ZCCHC24: variants seen among roughly 807,000 people sequenced by gnomAD.
ZCCHC24 encodes zinc finger CCHC-type containing 24, also known as zinc finger CCHC domain-containing protein 24.
In ZCCHC24, 10 loss-of-function variants were observed where a neutral mutation model predicts 26.2. The ratio of observed to expected loss-of-function variants is 0.38; its 90% CI spans 0.24 to 0.65. The LOEUF is 0.65. Ranked by LOEUF, ZCCHC24 falls within the 30% of genes least tolerant of loss-of-function variation. The pLI is 0.54. For synonymous variants in ZCCHC24, 144 were observed against 147.1 expected (o/e 0.98, Z 0.15); for missense variants, 243 against 329.1 (o/e 0.74, Z 2.03).
intron 3 of ZCCHC24, among the ~76,000 whole-genome samples, chr10:79,390,971 A>G (rs909818598): frequency 1.3e-5 from 2 of 152,166 alleles, no homozygotes; most frequent in African/African-American, 4.8e-5. Flanking sequence ...GCTGGGGGAT[A>G]GAGAGGCACC....
chr10:79,394,255 G>A (rs1355922765), intron 3 of ZCCHC24, 21 bp downstream of exon 3: 1 of 1,609,440 alleles, frequency 6.2e-7, no homozygotes, highest in Non-Finnish European at 8.5e-7. Flanking sequence ...TTCTGAGAAG[G>A]CCCCAGCCTG....
intron 2 of ZCCHC24, among the ~76,000 whole-genome samples, chr10:79,410,128 A>G (rs1171792467): frequency 6.6e-6 from 1 of 151,998 alleles, no homozygotes; most frequent in African/African-American, 2.4e-5. Context: ...TGCCAGGAAT[A>G]CCCTTCCCCC....
At chr10:79,409,709 G>A (rs1229163295) in intron 2 of ZCCHC24, among the ~76,000 whole-genome samples, 1 of 152,234 alleles carries the variant, frequency 6.6e-6, no homozygotes, top group Non-Finnish European at 1.5e-5. Context: ...GGTCCTCAGT[G>A]TGGCTATTGT....
intron 1 of ZCCHC24, among the ~76,000 whole-genome samples, chr10:79,433,115 C>G (rs1432584362): frequency 6.6e-6 from 1 of 152,172 alleles, no homozygotes. Context: ...ACCATTAGTT[C>G]TTAACATACT....
intron 2 of ZCCHC24, among the ~76,000 whole-genome samples, chr10:79,423,422 G>C (rs1856973963): frequency 6.6e-6 from 1 of 150,718 alleles, no homozygotes; most frequent in African/African-American, 2.4e-5. Context: ...GTAGTGGCGG[G>C]CGCCTGTAAT....
chr10:79,404,531 T>C (rs1277668569), intron 2 of ZCCHC24, among the ~76,000 whole-genome samples: 2 of 152,174 alleles, frequency 1.3e-5, no homozygotes, highest in Non-Finnish European at 1.5e-5. Flanking sequence ...CCTTAGTGGG[T>C]GGATGGAAGA....
chr10:79,420,359 C>T (rs1856920086), intron 2 of ZCCHC24, among the ~76,000 whole-genome samples: 1 of 152,174 alleles, frequency 6.6e-6, no homozygotes, highest in Non-Finnish European at 1.5e-5. Flanking sequence ...CAGCCCCTCC[C>T]TTAGGGAATG....
intron 2 of ZCCHC24, among the ~76,000 whole-genome samples, chr10:79,421,538 C>G (rs1358422643): frequency 6.7e-6 from 1 of 149,302 alleles, no homozygotes; most frequent in Non-Finnish European, 1.5e-5. Context: ...ATAACACTTT[C>G]TTTGCTAATT....
chr10:79,392,086 G>A (rs971865733), intron 3 of ZCCHC24, among the ~76,000 whole-genome samples: 1 of 151,660 alleles, frequency 6.6e-6, no homozygotes, highest in African/African-American at 2.4e-5. Context: ...CTTCCCTGCC[G>A]ATGCCCCACG....
chr10:79,424,266 T>C (rs1856996870), intron 2 of ZCCHC24, among the ~76,000 whole-genome samples: 2 of 152,236 alleles, frequency 1.3e-5, no homozygotes, highest in African/African-American at 4.8e-5. Flanking sequence ...TTTCCTGTTT[T>C]GCTCATTGTG....
intron 2 of ZCCHC24, among the ~76,000 whole-genome samples, chr10:79,417,891 G>T (rs911565121): frequency 3.3e-5 from 5 of 152,154 alleles, no homozygotes; most frequent in Admixed American, 6.5e-5. Flanking sequence ...TCCAAGTCAG[G>T]CCAGGTCAGT....
At chr10:79,410,848 G>T (rs962070581) in intron 2 of ZCCHC24, among the ~76,000 whole-genome samples, 3 of 152,094 alleles carry the variant, frequency 2.0e-5, no homozygotes, top group Admixed American at 6.6e-5. Flanking sequence ...CCCTGAGATG[G>T]CAGGAGGTTG....
At chr10:79,417,303 C>G (rs957323028) in intron 2 of ZCCHC24, among the ~76,000 whole-genome samples, 1 of 82,274 alleles carries the variant, frequency 1.2e-5, no homozygotes, top group African/African-American at 3.5e-5. Flanking sequence ...ATGCCTACTG[C>G]TTTGGGGGCA....
At chr10:79,414,814 CA>C (rs1044058774) in intron 2 of ZCCHC24, among the ~76,000 whole-genome samples, 2 of 151,776 alleles carry the variant, frequency 1.3e-5, no homozygotes, top group African/African-American at 2.4e-5. Flanking sequence ...AAACCAAAAC[CA>C]AAAAAAACCC....
At chr10:79,437,965 T>C (rs573461593) in intron 1 of ZCCHC24, among the ~76,000 whole-genome samples, 20 of 151,944 alleles carry the variant, frequency 1.3e-4, no homozygotes, top group Non-Finnish European at 2.9e-4. Flanking sequence ...AAGAGACAGA[T>C]AGGAGAGGCA....
At chr10:79,393,012 C>T (rs1163965189) in intron 3 of ZCCHC24, among the ~76,000 whole-genome samples, 1 of 152,208 alleles carries the variant, frequency 6.6e-6, no homozygotes, top group Admixed American at 6.5e-5. Flanking sequence ...CCCCAGGCTT[C>T]TAGGACTCCA....
chr10:79,423,580 A>AATATATAT (rs1564638246), intron 2 of ZCCHC24, among the ~76,000 whole-genome samples: 2 of 28,354 alleles, frequency 7.1e-5, no homozygotes, highest in African/African-American at 3.2e-4. Context: ...AAATATATAT[A>AATATATAT]CTATATATAT....
chr10:79,386,466 G>C lies in ZCCHC24; in HGVS notation c.613-8C>G. On this transcript the variant is annotated splice_region_variant and splice_polypyrimidine_tract_variant and intron_variant, in intron 3 of 3. Coordinates refer to ENST00000372336, the MANE Select transcript of ZCCHC24 (RefSeq NM_153367.4). ...GGGCTTCTCCAGGGGTCTCTGCAGA[G>C]AGAAGGAGGAAGGGGCCCAGGGGAG... 1.9e-6 allele frequency: 3 copies of C among 1,585,310 alleles called. No individual in the cohort carries two copies. Among genetic ancestry groups the C allele is most frequent in the Non-Finnish European group, 2.6e-6 (3 of 1,159,152 alleles).
At chr10:79,432,885 C>A (rs1435588480) in intron 1 of ZCCHC24, 127 bp from the exon 2 acceptor site, 4 of 1,060,988 alleles carry the variant, frequency 3.8e-6, no homozygotes, top group Non-Finnish European at 5.3e-6. Flanking sequence ...GCTCCAGAAG[C>A]CTGAGTTCAA....
Sources: allele counts gnomAD v4.1 joint callset (sites outside exome capture counted in the v4.1 genomes callset), GRCh38; gene constraint gnomAD v4.1.1; transcripts MANE v1.5; gene names NCBI Gene and HGNC (gene_info 2026-07-23, HGNC 2026-07-21).